Variants in SCN7A observed in about 807,000 individuals in gnomAD.
The protein encoded by SCN7A is sodium channel protein type 7 subunit alpha.
In SCN7A, 138 loss-of-function variants were observed where a neutral mutation model predicts 155.2. The observed-to-expected ratio is 0.89, with a 90% confidence interval of 0.77 to 1.02. The LOEUF (loss-of-function observed/expected upper bound fraction) is 1.02, where lower values mean the gene tolerates loss of function less well. SCN7A is among the 50% of genes least tolerant of loss of function. SCN7A has a pLI of 0.00. For synonymous variants in SCN7A, 693 were observed against 649.0 expected (o/e 1.07, Z -1.03); for missense variants, 2,058 against 1,986.6 (o/e 1.04, Z -0.68).
chr2:166,441,723 C>A lies in SCN7A; in HGVS notation c.1830G>T (p.Trp610Cys), dbSNP rs200768943. The change falls in exon 15 of 26, where the codon TGG (tryptophan) becomes TGT (cysteine). Residue 610 changes from tryptophan to cysteine, a missense_variant. By Grantham distance (215) the Trp-to-Cys change is radical (BLOSUM62 -2). Coordinates refer to ENST00000643258, the MANE Select transcript of SCN7A (RefSeq NM_002976.4). ...ACCACATCAAAATCTGGAATGTTGG[C>A]CAATACTTTCCCAACTTGAAAATTC... ...MLRIFKLGKY[W>C]PTFQILMWSL... is the part of the protein sequence containing the mutation. 1 of 1,603,818 alleles carries A rather than the reference C, an allele frequency of 6.2e-7. No homozygotes were observed. Among genetic ancestry groups the A allele is most frequent in the South Asian group, 1.1e-5 (1 of 89,228 alleles).
intron 9 of SCN7A, among the ~76,000 whole-genome samples, chr2:166,464,740 C>T (rs963831576): frequency 8.5e-5 from 13 of 152,092 alleles, no homozygotes; most frequent in African/African-American, 3.1e-4. Context: ...TCAGCCTATC[C>T]TTAATATTTC....
At chr2:166,482,978 G>A (rs1702963711) in intron 2 of SCN7A, among the ~76,000 whole-genome samples, 1 of 152,030 alleles carries the variant, frequency 6.6e-6, no homozygotes, top group African/African-American at 2.4e-5. Flanking sequence ...AAGATTAATA[G>A]TTAATCCATC....
At position 166,447,837 on chromosome 2, in the gene SCN7A, C is replaced by A. The variant is rs1012191420; in HGVS notation, c.1291-129G>T. 2.0e-5 allele frequency: 13 copies of A among 656,548 alleles called. No homozygotes were observed. The African/African-American group carries it at 2.2e-4, about 11-fold the overall frequency. The allele number at this position is 656,548 out of a possible 1,614,324, so 40.7% of individuals were successfully genotyped here. ...GCCTTTTCTTTTTATTAAATTGATA[C>A]ATAATCATTGTACATATTTGAGGGG... is the stretch of plus-strand genomic sequence containing the variant. On this transcript the variant is annotated intron_variant, in intron 11 of 25. Coordinates refer to ENST00000643258, the MANE Select transcript of SCN7A (RefSeq NM_002976.4).
intron 13 of SCN7A, among the ~76,000 whole-genome samples, chr2:166,444,164 A>G (rs1312019617): frequency 1.3e-5 from 2 of 151,930 alleles, no homozygotes; most frequent in Non-Finnish European, 2.9e-5. Context: ...AAGCAACTAA[A>G]CAACAACAAT....
chr2:166,441,758 A>G lies in SCN7A; in HGVS notation c.1801-6T>C, dbSNP rs1486347559. ...CCCAACTTGAAAATTCTTAACTAAT[A>G]GAGCAATGTAAAATCAAGAACAAGA... On this transcript the variant is annotated splice_region_variant and splice_polypyrimidine_tract_variant and intron_variant, in intron 14 of 25. Coordinates refer to ENST00000643258, the MANE Select transcript of SCN7A (RefSeq NM_002976.4). The G allele has an allele frequency of 2.5e-6, 4 of 1,578,862 alleles. No homozygotes were observed. Among genetic ancestry groups the G allele is most frequent in the Non-Finnish European group, 2.6e-6 (3 of 1,163,800 alleles).
chr2:166,421,081 T>C, intron 20 of SCN7A, 109 bp downstream of exon 20: 4 of 672,846 alleles, frequency 5.9e-6, no homozygotes, highest in Non-Finnish European at 1.0e-5. Flanking sequence ...TTTTGTTGTA[T>C]TAATACTGTT....
chr2:166,429,171 T>C lies in SCN7A; in HGVS notation c.2696A>G (p.Asn899Ser). 2 of 1,515,342 alleles carry C rather than the reference T, an allele frequency of 1.3e-6. No individual in the cohort carries two copies. Among genetic ancestry groups the C allele is most frequent in the Non-Finnish European group, 8.8e-7 (1 of 1,131,254 alleles). 93.9% of individuals were successfully genotyped at this position (1,515,342 alleles called of 1,614,324 possible). ...YGGERSKHLK[N>S]GCRRGSSLGQ... ...CAAGATTAACAAAATTTTCTTACCA[T>C]TTTTCAGATGCTTTGATCTTTCACC... The change falls in exon 17 of 26, where the codon AAT becomes AGT. Residue 899 changes from asparagine (N) to serine (S), a missense_variant and splice_region_variant. Coordinates refer to ENST00000643258, the MANE Select transcript of SCN7A (RefSeq NM_002976.4).
intron 15 of SCN7A, among the ~76,000 whole-genome samples, chr2:166,439,825 C>T (rs970485236): frequency 8.5e-5 from 13 of 152,160 alleles, no homozygotes; most frequent in African/African-American, 3.1e-4. Context: ...GAGAAGTACA[C>T]TAACAATTAA....
Position 166,462,206 on chromosome 2 carries a change from T to C in SCN7A, c.1083+183A>G, listed in dbSNP as rs1575049344. 5 of 563,726 alleles carry C rather than the reference T, an allele frequency of 8.9e-6. No individual in the cohort carries two copies. The East Asian group carries it at 1.5e-4, about 17-fold the overall frequency. 34.9% of individuals were successfully genotyped at this position (563,726 alleles called of 1,614,324 possible). On this transcript the variant is annotated intron_variant, in intron 10 of 25. Coordinates refer to ENST00000643258, the MANE Select transcript of SCN7A (RefSeq NM_002976.4). ...ATTGTTTCAAAGATTAAATAAGATA[T>C]AATACACCTGGCAATGTGGCCAGCA...
intron 18 of SCN7A, 40 bp downstream of exon 18, chr2:166,427,748 G>A: frequency 5.1e-6 from 8 of 1,556,910 alleles, no homozygotes; most frequent in South Asian, 1.2e-5. Context: ...TGATACATTT[G>A]TCCCCAGCAA....
chr2:166,453,339 A>G (rs1259451594), intron 11 of SCN7A, among the ~76,000 whole-genome samples: 1 of 152,208 alleles, frequency 6.6e-6, no homozygotes, highest in Non-Finnish European at 1.5e-5. Context: ...ATTCACTTCT[A>G]AAATGTGAGT....
intron 25 of SCN7A, among the ~76,000 whole-genome samples, chr2:166,408,699 A>G (rs759281511): frequency 6.6e-6 from 1 of 151,938 alleles, no homozygotes; most frequent in Non-Finnish European, 1.5e-5. Context: ...TATCAACTGA[A>G]TGAGTGAATA....
chr2:166,486,333 T>C (rs1703047891), intron 2 of SCN7A, among the ~76,000 whole-genome samples: 1 of 152,142 alleles, frequency 6.6e-6, no homozygotes, highest in Non-Finnish European at 1.5e-5. Flanking sequence ...TCATATAAGG[T>C]CACTCATAAA....
intron 2 of SCN7A, among the ~76,000 whole-genome samples, chr2:166,485,256 C>A (rs956710452): frequency 6.6e-6 from 1 of 152,106 alleles, no homozygotes; most frequent in Admixed American, 6.6e-5. Context: ...GAATTAAAAT[C>A]ATCTCAAACA....
chr2:166,474,285 C>T lies in SCN7A; in HGVS notation c.294G>A (p.Leu98=). The change falls in exon 4 of 26, where the codon TTG becomes TTA. Residue 98 remains leucine (L), a synonymous_variant. Coordinates refer to ENST00000643258, the MANE Select transcript of SCN7A (RefSeq NM_002976.4). The part of the protein sequence containing the change: ...TIFRFNAASI[L]CTLSPFNCIR... ...TACAATTGAAAGGAGACAATGTACA[C>T]AAGATGGAAGCCGCATTGAATCTGA... is the stretch of plus-strand genomic sequence containing the variant. 6.5e-7 allele frequency: 1 copy of T among 1,528,244 alleles called. No homozygotes were observed. The highest frequency in any genetic ancestry group is 1.2e-5 in the South Asian group (1 of 81,266). The allele number at this position is 1,528,244 out of a possible 1,614,324, so 94.7% of individuals were successfully genotyped here. A position where few individuals can be genotyped will look rare whatever the true frequency, so the allele number is the denominator to read the frequency against.
chr2:166,425,013 T>C (rs1156703935), intron 18 of SCN7A, among the ~76,000 whole-genome samples: 1 of 152,090 alleles, frequency 6.6e-6, no homozygotes, highest in Non-Finnish European at 1.5e-5. Flanking sequence ...TGAGAGGCAA[T>C]GTTTCCACTC....
chr2:166,472,382 C>T lies in SCN7A; in HGVS notation c.507G>A (p.Trp169Ter). 1 of 1,608,280 alleles carries T rather than the reference C, an allele frequency of 6.2e-7. No individual in the cohort carries two copies. The highest frequency in any genetic ancestry group is 8.5e-7 in the Non-Finnish European group (1 of 1,176,468). ...ILVKLFARGV[W>*]AGSFSFLGDP... The stretch of plus-strand genomic sequence containing the variant: ...CACCGAGGAAGGAAAATGATCCTGC[C>T]CAGACACCTCTTGCAAAGAGTTTTA... Residue 169 changes from tryptophan (W) to a stop codon, truncating the protein, a stop_gained, in exon 6 of 26, where the codon TGG becomes TGA. Coordinates refer to ENST00000643258, the MANE Select transcript of SCN7A (RefSeq NM_002976.4). LOFTEE classifies it high-confidence loss of function.
rs781150735 is a variant in SCN7A at position 166,456,827 on chromosome 2, T to TAGATAG, written c.1290+42_1290+43insCTATCT. On this transcript the variant is annotated intron_variant, in intron 11 of 25. Coordinates refer to ENST00000643258, the MANE Select transcript of SCN7A (RefSeq NM_002976.4). ...AAATATATATATATATATATATATA[T>TAGATAG]ATAGATAGATAGATAGATAGATAGA... The TAGATAG allele has an allele frequency of 1.3e-3, 822 of 639,152 alleles. 4 individuals are homozygous for TAGATAG. The African/African-American group carries it at 0.016, about 13-fold the overall frequency. The allele number at this position is 639,152 out of a possible 1,614,324, so 39.6% of individuals were successfully genotyped here.
In SCN7A at chr2:166,416,813, T is replaced by C. The variant is rs1285880932; in HGVS notation, c.3308A>G (p.Asn1103Ser). ...CAGAAGGCTTTCACACCGACTCTTATTCATGACTTCAGATGAAGGAAACCT... is the reference window on the plus strand; with the variant it reads ...CAGAAGGCTTTCACACCGACTCTTACTCATGACTTCAGATGAAGGAAACCT... ...GERFPSSEVM[N>S]KSRCESLLFN... is the part of the protein sequence containing the mutation. The change falls in exon 21 of 26, where the codon AAT becomes AGT. Residue 1103 changes from asparagine (N) to serine (S), a missense_variant. Transcript: ENST00000643258. 4 of 1,613,560 alleles carry C rather than the reference T, an allele frequency of 2.5e-6. No homozygotes were observed. The highest frequency in any genetic ancestry group is 2.5e-6 in the Non-Finnish European group (3 of 1,179,782).
Sources: gnomAD v4.1 joint callset for allele counts (sites outside exome capture counted in the v4.1 genomes callset) on GRCh38, gnomAD v4.1.1 for gene constraint, MANE v1.5 for transcripts, NCBI Gene and HGNC (gene_info 2026-07-23, HGNC 2026-07-21) for gene names.